MAML3: variants seen among roughly 807,000 people sequenced by gnomAD.
MAML3 encodes mastermind-like protein 3.
In MAML3, 27 loss-of-function variants were observed where a neutral mutation model predicts 101.9. The observed-to-expected ratio is 0.27, with a 90% CI of 0.20 to 0.37. The LOEUF is 0.37. Among genes scored for constraint, MAML3 ranks in the 10% least tolerant of loss-of-function variants. MAML3 has a pLI of 1.00. For synonymous variants in MAML3, 501 were observed against 555.9 expected (o/e 0.90, Z 1.39); for missense variants, 1,316 against 1,444.9 (o/e 0.91, Z 1.45).
At chr4:140,068,598 C>T (rs1416966933) in intron 1 of MAML3, among the ~76,000 whole-genome samples, 1 of 152,200 alleles carries the variant, frequency 6.6e-6, no homozygotes. Flanking sequence ...GGATTTAAAT[C>T]CTAACCCGGT....
At chr4:139,929,011 A>G (rs1473933639) in intron 1 of MAML3, among the ~76,000 whole-genome samples, 1 of 152,250 alleles carries the variant, frequency 6.6e-6, no homozygotes, top group East Asian at 1.9e-4. Context: ...AACAAATTTG[A>G]TAAGAGCAAG....
intron 2 of MAML3, among the ~76,000 whole-genome samples, chr4:139,813,850 T>C (rs184032275): frequency 9.2e-5 from 14 of 152,178 alleles, no homozygotes; most frequent in African/African-American, 3.4e-4. Flanking sequence ...TTTGCAAATG[T>C]ATTGAGAGAA....
At chr4:140,070,167 T>A (rs1382106867) in intron 1 of MAML3, among the ~76,000 whole-genome samples, 3 of 151,774 alleles carry the variant, frequency 2.0e-5, no homozygotes, top group African/African-American at 7.3e-5. Context: ...AGAGCCAGAC[T>A]CTAAGTTTTG....
At chr4:139,755,609 C>T (rs1729632804) in intron 2 of MAML3, among the ~76,000 whole-genome samples, 1 of 152,066 alleles carries the variant, frequency 6.6e-6, no homozygotes, top group African/African-American at 2.4e-5. Context: ...TTCAGGATTT[C>T]CAATTAATTT....
At chr4:139,770,396 G>T (rs771186831) in intron 2 of MAML3, among the ~76,000 whole-genome samples, 1 of 152,210 alleles carries the variant, frequency 6.6e-6, no homozygotes, top group Non-Finnish European at 1.5e-5. Flanking sequence ...CAGGGCAAAG[G>T]TAGGGGAAGG....
At chr4:139,727,668 T>C (rs1485080369) in intron 3 of MAML3, among the ~76,000 whole-genome samples, 4 of 152,234 alleles carry the variant, frequency 2.6e-5, no homozygotes, top group Admixed American at 2.6e-4. Context: ...TTATGTGCTT[T>C]GAACTTTTGG....
chr4:139,985,897 A>G (rs1177377397), intron 1 of MAML3, among the ~76,000 whole-genome samples: 5 of 152,226 alleles, frequency 3.3e-5, no homozygotes, highest in Non-Finnish European at 7.3e-5. Flanking sequence ...TTGGAATGCA[A>G]TCTCTTCAAG....
intron 1 of MAML3, among the ~76,000 whole-genome samples, chr4:140,039,678 C>T (rs529160859): frequency 6.6e-5 from 10 of 152,286 alleles, no homozygotes; most frequent in African/African-American, 1.9e-4. Flanking sequence ...GCAATGCTGT[C>T]TGAATGCAGG....
chr4:140,030,239 G>A (rs974212814), intron 1 of MAML3, among the ~76,000 whole-genome samples: 1 of 151,976 alleles, frequency 6.6e-6, no homozygotes, highest in Non-Finnish European at 1.5e-5. Context: ...CCGATCACAC[G>A]TCAGTGACTT....
chr4:139,880,134 C>T (rs571861053), intron 2 of MAML3, among the ~76,000 whole-genome samples: 1 of 151,948 alleles, frequency 6.6e-6, no homozygotes, highest in East Asian at 1.9e-4. Context: ...GATCGTGCCA[C>T]TGCACTCCAG....
intron 1 of MAML3, among the ~76,000 whole-genome samples, chr4:139,902,275 G>GCA (rs958233001): frequency 1.7e-4 from 6 of 35,898 alleles, no homozygotes; most frequent in African/African-American, 3.0e-4. Context: ...ACACACACAC[G>GCA]CACACACACA....
chr4:140,039,984 G>A (rs1262203131), intron 1 of MAML3, among the ~76,000 whole-genome samples: 2 of 152,200 alleles, frequency 1.3e-5, no homozygotes, highest in East Asian at 3.8e-4. Flanking sequence ...ATAAGTGAAT[G>A]AGGAAAATGG....
At chr4:139,955,118 C>T (rs1173509847) in intron 1 of MAML3, among the ~76,000 whole-genome samples, 1 of 151,996 alleles carries the variant, frequency 6.6e-6, no homozygotes, top group Non-Finnish European at 1.5e-5. Flanking sequence ...GACTAAAAGG[C>T]CATCCAACCC....
At chr4:140,015,471 G>T (rs1726627007) in intron 1 of MAML3, among the ~76,000 whole-genome samples, 1 of 152,018 alleles carries the variant, frequency 6.6e-6, no homozygotes, top group South Asian at 2.1e-4. Flanking sequence ...TTTAGAAATG[G>T]AGAGAAACTT....
Position 139,890,299 on chromosome 4 carries a change from A to G in MAML3, c.1137T>C (p.Ser379=), listed in dbSNP as rs1394592067. Residue 379 remains serine, a synonymous_variant, in exon 2 of 5, where the codon TCT becomes TCC. Transcript: ENST00000509479. The surrounding 1 kb of genome is among the most constrained non-coding windows in gnomAD (Gnocchi z 4.1). ...VSMGSPQARP[S]SSGPPFSTVS... ...CAGTAGAAAAGGGAGGACCAGAAGA[A>G]GAAGGCCTCGCCTGGGGAGATCCCA... is the stretch of plus-strand genomic sequence containing the variant. 3 of 1,613,724 alleles carry G rather than the reference A, an allele frequency of 1.9e-6. No homozygotes were observed. The highest frequency in any genetic ancestry group is 1.7e-5 in the Admixed American group (1 of 59,998).
intron 2 of MAML3, among the ~76,000 whole-genome samples, chr4:139,798,844 A>C (rs1234987605): frequency 1.3e-5 from 2 of 152,216 alleles, no homozygotes; most frequent in Non-Finnish European, 2.9e-5. Context: ...AAGTTGTCCA[A>C]TTTAGCAGGG....
intron 1 of MAML3, among the ~76,000 whole-genome samples, chr4:140,071,268 A>T (rs1727647416): frequency 6.6e-6 from 1 of 152,158 alleles, no homozygotes; most frequent in South Asian, 2.1e-4. Context: ...ACACCATCTG[A>T]GAGAGCTGCA....
At chr4:139,892,122 T>C (rs1213106485) in intron 1 of MAML3, among the ~76,000 whole-genome samples, 2 of 152,230 alleles carry the variant, frequency 1.3e-5, no homozygotes, top group African/African-American at 4.8e-5. Context: ...CTGGGTACAT[T>C]GTTTTGGGGT....
intron 1 of MAML3, among the ~76,000 whole-genome samples, chr4:139,895,195 G>A (rs1732585797): frequency 6.6e-6 from 1 of 152,190 alleles, no homozygotes; most frequent in Non-Finnish European, 1.5e-5. Context: ...AGAGAAACAG[G>A]AGCACTGGCT....
Sources: allele counts gnomAD v4.1 joint callset (sites outside exome capture counted in the v4.1 genomes callset), GRCh38; gene constraint gnomAD v4.1.1; non-coding constraint Gnocchi (gnomAD v3.1); transcripts MANE v1.5; gene names NCBI Gene and HGNC (gene_info 2026-07-23, HGNC 2026-07-21).